Variants in NDUFS1 observed in about 807,000 individuals in gnomAD.
NDUFS1 encodes NADH:ubiquinone oxidoreductase core subunit S1.
A neutral mutation model predicts 84.4 loss-of-function variants in NDUFS1; 61 were observed. The ratio of observed to expected loss-of-function variants is 0.72; its 90% CI spans 0.59 to 0.89. NDUFS1 has a LOEUF of 0.89. Among genes scored for constraint, NDUFS1 ranks in the 40% least tolerant of loss-of-function variants. The probability of loss-of-function intolerance (pLI) is 0.00; values close to 1 mark genes in which losing one functional copy is unlikely to be tolerated. For missense variants in NDUFS1, 891 were observed against 890.0 expected (o/e 1.00, Z -0.01); for synonymous variants, 275 against 290.0 (o/e 0.95, Z 0.53).
At chr2:206,139,041 A>T (rs1220288471) in intron 12 of NDUFS1, among the ~76,000 whole-genome samples, 1 of 151,794 alleles carries the variant, frequency 6.6e-6, no homozygotes, top group Non-Finnish European at 1.5e-5. Flanking sequence ...GCTTGAACCC[A>T]GGAGGTAGAG....
intron 8 of NDUFS1, 36 bp downstream of exon 8, chr2:206,146,867 G>T (rs374204441): frequency 5.0e-5 from 79 of 1,582,802 alleles, no homozygotes; most frequent in Non-Finnish European, 6.7e-5. Context: ...AATGAATTAA[G>T]GACAAAAAAA....
Position 206,121,089 on chromosome 2 carries a change from T to G in NDUFS1, c.*3096A>C, listed in dbSNP as rs1280706179. 2 of 152,230 alleles carry G rather than the reference T, an allele frequency of 1.3e-5. No homozygotes were observed. The highest frequency in any genetic ancestry group is 6.5e-5 in the Admixed American group (1 of 15,280). 9.4% of individuals were successfully genotyped at this position (152,230 alleles called of 1,614,324 possible). On this transcript the variant is annotated 3_prime_UTR_variant, in exon 19 of 19. Coordinates refer to ENST00000233190, the MANE Select transcript of NDUFS1 (RefSeq NM_005006.7). ...TTAATACCTACTATTAGCAGAGATT[T>G]TGTGAAGAATAGTCTTAATGTATTT...
intron 14 of NDUFS1, 75 bp from the exon 15 acceptor site, chr2:206,130,317 A>C: frequency 6.5e-7 from 1 of 1,545,714 alleles, no homozygotes; most frequent in Non-Finnish European, 8.9e-7. Flanking sequence ...TTTTTGGAAT[A>C]ATTTCCTTTC....
chr2:206,132,953 G>A lies in NDUFS1; in HGVS notation c.1545C>T (p.Ile515=), dbSNP rs1369539364. 1 of 1,612,892 alleles carries A rather than the reference G, an allele frequency of 6.2e-7. No individual in the cohort carries two copies. Among genetic ancestry groups the A allele is most frequent in the Non-Finnish European group, 8.5e-7 (1 of 1,179,094 alleles). Residue 515 remains isoleucine (I), a synonymous_variant, in exon 14 of 19, where the codon ATC becomes ATT. Coordinates refer to ENST00000233190, the MANE Select transcript of NDUFS1 (RefSeq NM_005006.7). ...GVTGDWKVMN[I]LHRIASQVAA... ...GCAATTACTCAACAAACCTATGAAG[G>A]ATATTCATAACTTTCCAATCACCAG...
chr2:206,151,114 C>A (rs1233365438), intron 3 of NDUFS1, among the ~76,000 whole-genome samples: 1 of 152,116 alleles, frequency 6.6e-6, no homozygotes, highest in African/African-American at 2.4e-5. Context: ...TTCCTTGTCT[C>A]TTATTCCAGT....
intron 10 of NDUFS1, 138 bp downstream of exon 10, chr2:206,143,880 G>A: frequency 9.8e-6 from 7 of 713,286 alleles, no homozygotes; most frequent in South Asian, 4.8e-5. Context: ...CTCAGTAGAT[G>A]TCTGTAAAAT....
chr2:206,142,605 A>T, intron 11 of NDUFS1, 81 bp downstream of exon 11: 1 of 1,544,804 alleles, frequency 6.5e-7, no homozygotes, highest in African/African-American at 1.4e-5. Flanking sequence ...TATGTTGGAG[A>T]ATCCAGGTTG....
chr2:206,124,011 A>C lies in NDUFS1; in HGVS notation c.*174T>G. ...CCTTTACACACAATACATGTTTTTC[A>C]AACTGCAAAGTTGATAACTAATATC... On this transcript the variant is annotated 3_prime_UTR_variant, in exon 19 of 19. Coordinates refer to ENST00000233190, the MANE Select transcript of NDUFS1 (RefSeq NM_005006.7). 1.7e-6 allele frequency: 1 copy of C among 594,672 alleles called. No homozygotes were observed. The highest frequency in any genetic ancestry group is 3.0e-5 in the Admixed American group (1 of 32,794). 36.8% of individuals were successfully genotyped at this position (594,672 alleles called of 1,614,324 possible).
rs754306243 is a variant in NDUFS1, at chr2:206,153,626, T to G, written c.53A>C (p.Lys18Thr). 1.3e-6 allele frequency: 2 copies of G among 1,540,718 alleles called. No homozygotes were observed. Among genetic ancestry groups the G allele is most frequent in the Non-Finnish European group, 9.0e-7 (1 of 1,114,160 alleles). Residue 18 changes from lysine to threonine, a missense_variant, in exon 2 of 19, where the codon AAA becomes ACA. Physicochemically the swap from Lys to Thr is moderately conservative, Grantham distance 78 (BLOSUM62 -1). Coordinates refer to ENST00000233190, the MANE Select transcript of NDUFS1 (RefSeq NM_005006.7). ...TTTAAGAAAATACTCACCACATCCT[T>G]TAGGAGACTTAGAAAGGCCTACTAA... ...KALVGLSKSP[K>T]GCVRTTATAA...
intron 18 of NDUFS1, among the ~76,000 whole-genome samples, chr2:206,125,121 C>T (rs1345374115): frequency 6.6e-6 from 1 of 151,850 alleles, no homozygotes; most frequent in African/African-American, 2.4e-5. Flanking sequence ...GCTGGAATTA[C>T]AGGCATGAGC....
In NDUFS1 at chr2:206,122,629, C is replaced by CAAAAAAAAAAAACAAA. The variant is rs1691132188; in HGVS notation, c.*1555_*1556insTTTGTTTTTTTTTTTT. 1.3e-5 allele frequency: 1 copy of CAAAAAAAAAAAACAAA among 75,572 alleles called. No individual in the cohort carries two copies. Among genetic ancestry groups the CAAAAAAAAAAAACAAA allele is most frequent in the African/African-American group, 6.9e-5 (1 of 14,570 alleles). 4.7% of individuals were successfully genotyped at this position (75,572 alleles called of 1,614,324 possible). A position where few individuals can be genotyped will look rare whatever the true frequency, so the allele number is the denominator to read the frequency against. ...TGGGTGACAGAGTAAGACTCCATCT[C>CAAAAAAAAAAAACAAA]AAAAAAAAAAAAAAAACAAAGGGAA... On this transcript the variant is annotated 3_prime_UTR_variant, in exon 19 of 19. Transcript: ENST00000233190.
rs1488706984 is a variant in NDUFS1, at chr2:206,120,604, G to A, written c.*3581C>T. ...TTAAGAGTGATGACTTAGGGTATCA[G>A]GGTATCTGGCAGAAGAAATTTCTAA... On this transcript the variant is annotated 3_prime_UTR_variant, in exon 19 of 19. Coordinates refer to ENST00000233190, the MANE Select transcript of NDUFS1 (RefSeq NM_005006.7). 6.6e-6 allele frequency: 1 copy of A among 152,402 alleles called. No homozygotes were observed. The highest frequency in any genetic ancestry group is 2.1e-4 in the South Asian group (1 of 4,832). The allele number at this position is 152,402 out of a possible 1,614,324, so 9.4% of individuals were successfully genotyped here.
At chr2:206,132,837 A>C (rs1691564371) in intron 14 of NDUFS1, 108 bp downstream of exon 14, 11 of 965,890 alleles carry the variant, frequency 1.1e-5, no homozygotes. Context: ...AACTGGGATA[A>C]TGTTGCTAAA....
chr2:206,130,879 T>C (rs1363822363), intron 14 of NDUFS1, among the ~76,000 whole-genome samples: 4 of 152,192 alleles, frequency 2.6e-5, no homozygotes, highest in South Asian at 2.1e-4. Flanking sequence ...ATAAGTCATA[T>C]ATATTCAAAG....
At chr2:206,138,311 C>T (rs998324090) in intron 13 of NDUFS1, among the ~76,000 whole-genome samples, 174 bp downstream of exon 13, 1 of 152,238 alleles carries the variant, frequency 6.6e-6, no homozygotes, top group Non-Finnish European at 1.5e-5. Context: ...GAACTCCTGA[C>T]CTCAGGTGAT....
At chr2:206,124,753 C>T (rs532042172) in intron 18 of NDUFS1, among the ~76,000 whole-genome samples, 209 of 152,004 alleles carry the variant, frequency 1.4e-3, no homozygotes, top group African/African-American at 4.9e-3. Context: ...GCAGGAGAAT[C>T]GTGTGAACCT....
At chr2:206,144,215 T>C in intron 9 of NDUFS1, 83 bp from the exon 10 acceptor site, 1 of 1,031,224 alleles carries the variant, frequency 9.7e-7, no homozygotes, top group South Asian at 1.3e-5. Flanking sequence ...AGAAATGTTA[T>C]TTAAATACAG....
At chr2:206,150,620 T>C (rs1692336691) in intron 3 of NDUFS1, among the ~76,000 whole-genome samples, 1 of 152,172 alleles carries the variant, frequency 6.6e-6, no homozygotes, top group Non-Finnish European at 1.5e-5. Context: ...GCAGGTATAG[T>C]AGTGAAAAAG....
intron 2 of NDUFS1, among the ~76,000 whole-genome samples, chr2:206,152,807 C>T (rs1482310391): frequency 1.6e-4 from 24 of 150,960 alleles, no homozygotes; most frequent in African/African-American, 7.3e-5. Flanking sequence ...CCGGTTCAAG[C>T]GATTCTCCTG....
Sources: gnomAD v4.1 joint callset for allele counts (sites outside exome capture counted in the v4.1 genomes callset) on GRCh38, gnomAD v4.1.1 for gene constraint, MANE v1.5 for transcripts, NCBI Gene and HGNC (gene_info 2026-07-23, HGNC 2026-07-21) for gene names.